The following ADD3 variants were observed in gnomAD, a reference collection of about 807,000 sequenced individuals.
The protein encoded by ADD3 is adducin 3.
Under a neutral mutation model 80.2 loss-of-function variants are expected in ADD3, and 25 were observed. The ratio of observed to expected loss-of-function variants is 0.31; its 90% CI spans 0.23 to 0.44. The LOEUF (loss-of-function observed/expected upper bound fraction) is 0.44. ADD3 is among the 20% of genes least tolerant of loss of function. The pLI is 1.00. For missense variants in ADD3, 829 were observed against 847.5 expected (o/e 0.98, Z 0.27); for synonymous variants, 284 against 289.6 (o/e 0.98, Z 0.20).
At chr10:110,035,459 A>C in intron 1 of ADD3, among the ~76,000 whole-genome samples, 1 of 152,250 alleles carries the variant, frequency 6.6e-6, no homozygotes, top group Non-Finnish European at 1.5e-5. Context: ...TGACTCCATC[A>C]GGAAGCGAAG....
chr10:110,073,421 C>T (rs914249875), intron 1 of ADD3, among the ~76,000 whole-genome samples: 2 of 152,126 alleles, frequency 1.3e-5, no homozygotes, highest in Non-Finnish European at 2.9e-5. Flanking sequence ...GGATTACAGG[C>T]GTGAGCCACC....
chr10:110,132,408 A>T lies in ADD3; in HGVS notation c.1828+8A>T. 1 of 1,585,656 alleles carries T rather than the reference A, an allele frequency of 6.3e-7. No homozygotes were observed. The highest frequency in any genetic ancestry group is 8.7e-7 in the Non-Finnish European group (1 of 1,154,438). The stretch of plus-strand genomic sequence containing the variant: ...TCCCTGAAAAATTAGAAGGTACTCA[A>T]TGTAATTTCCCACATAGCATTCACT... On this transcript the variant is annotated splice_region_variant and intron_variant, in intron 14 of 14. Transcript: ENST00000356080.
intron 1 of ADD3, chr10:110,075,554 T>A (rs1323391705): frequency 6.6e-6 from 1 of 152,214 alleles, no homozygotes; most frequent in Non-Finnish European, 1.5e-5. Flanking sequence ...TGGGCAGTTG[T>A]GGATGGAATT....
intron 14 of ADD3, among the ~76,000 whole-genome samples, chr10:110,133,011 A>G (rs1590276888): frequency 6.6e-6 from 1 of 152,108 alleles, no homozygotes; most frequent in Non-Finnish European, 1.5e-5. Flanking sequence ...TGATTGCCAA[A>G]TGATCCCAAA....
intron 1 of ADD3, among the ~76,000 whole-genome samples, chr10:110,094,741 T>C (rs184368723): frequency 6.6e-6 from 1 of 152,208 alleles, no homozygotes; most frequent in African/African-American, 2.4e-5. Flanking sequence ...CTTGTCATAG[T>C]TTGTGTAGGG....
At chr10:110,131,183 A>G (rs559784660) in intron 13 of ADD3, among the ~76,000 whole-genome samples, 64 of 152,330 alleles carry the variant, frequency 4.2e-4, no homozygotes, top group African/African-American at 1.5e-3. Flanking sequence ...ACACTCTAGT[A>G]GGTTGAGTTT....
At chr10:110,039,660 C>T (rs775076613) in intron 1 of ADD3, among the ~76,000 whole-genome samples, 1 of 152,210 alleles carries the variant, frequency 6.6e-6, no homozygotes, top group Admixed American at 6.5e-5. Flanking sequence ...AGACAACAAA[C>T]ATTATCTCAC....
At chr10:110,042,362 C>CA (rs1856465047) in intron 1 of ADD3, among the ~76,000 whole-genome samples, 1 of 152,078 alleles carries the variant, frequency 6.6e-6, no homozygotes, top group African/African-American at 2.4e-5. Flanking sequence ...CAGGAGGTGA[C>CA]AAAGAGTCCA....
chr10:109,997,915 C>G (rs1480659972), intron 1 of ADD3, among the ~76,000 whole-genome samples: 2 of 152,092 alleles, frequency 1.3e-5, no homozygotes, highest in Non-Finnish European at 2.9e-5. Flanking sequence ...GATCTAAATC[C>G]GGGCGGTTTT....
chr10:110,027,424 A>G (rs7921942), intron 1 of ADD3, among the ~76,000 whole-genome samples: 12,498 of 152,256 alleles, frequency 0.082, 1,651 homozygotes, highest in African/African-American at 0.28. Flanking sequence ...AAAATGTTGT[A>G]GAAGCCACAT....
At chr10:110,065,022 C>T (rs1462742981) in intron 1 of ADD3, among the ~76,000 whole-genome samples, 2 of 151,762 alleles carry the variant, frequency 1.3e-5, no homozygotes, top group Admixed American at 6.6e-5. Flanking sequence ...CTTGTCTAGG[C>T]GACAGAGCGA....
intron 1 of ADD3, among the ~76,000 whole-genome samples, chr10:110,017,831 C>A (rs1853178508): frequency 6.6e-6 from 1 of 152,090 alleles, no homozygotes; most frequent in South Asian, 2.1e-4. Flanking sequence ...ATATTTAATA[C>A]CTGACTACTA....
intron 3 of ADD3, among the ~76,000 whole-genome samples, chr10:110,114,971 CAGG>C (rs1226974797): frequency 2.0e-5 from 3 of 151,342 alleles, no homozygotes; most frequent in African/African-American, 7.3e-5. Flanking sequence ...CCTAGCTACT[CAGG>C]AGGCTGAGGT....
At chr10:110,072,301 G>A (rs1448614953) in intron 1 of ADD3, among the ~76,000 whole-genome samples, 2 of 152,096 alleles carry the variant, frequency 1.3e-5, no homozygotes, top group Non-Finnish European at 2.9e-5. Flanking sequence ...TCCTGATCTC[G>A]TGATCCCCCA....
chr10:110,048,019 C>T (rs1360683463), intron 1 of ADD3, among the ~76,000 whole-genome samples: 1 of 152,106 alleles, frequency 6.6e-6, no homozygotes, highest in African/African-American at 2.4e-5. Flanking sequence ...AATTGTGGCT[C>T]CCATAATTCC....
At chr10:110,069,803 C>G (rs1006204658) in intron 1 of ADD3, among the ~76,000 whole-genome samples, 2 of 152,134 alleles carry the variant, frequency 1.3e-5, no homozygotes, top group African/African-American at 4.8e-5. Flanking sequence ...AGTGTAAGAA[C>G]AAGCATTGTT....
upstream of ADD3, among the ~76,000 whole-genome samples, chr10:110,003,767 C>A (rs878974196): frequency 6.6e-6 from 1 of 152,002 alleles, no homozygotes; most frequent in African/African-American, 2.4e-5. Flanking sequence ...TTTGTGGCTA[C>A]AATTTAATTG....
intron 1 of ADD3, among the ~76,000 whole-genome samples, chr10:110,019,633 C>CGT (rs1853429202): frequency 6.6e-6 from 1 of 152,188 alleles, no homozygotes; most frequent in Non-Finnish European, 1.5e-5. Context: ...GGATTACAGG[C>CGT]GTGAGCCACT....
intron 1 of ADD3, among the ~76,000 whole-genome samples, chr10:110,023,900 G>A (rs1198209898): frequency 6.6e-6 from 1 of 152,116 alleles, no homozygotes; most frequent in African/African-American, 2.4e-5. Flanking sequence ...ATTATCCCAA[G>A]CAAATTAACA....
Sources: allele counts gnomAD v4.1 joint callset (sites outside exome capture counted in the v4.1 genomes callset), GRCh38; gene constraint gnomAD v4.1.1; transcripts MANE v1.5; gene names NCBI Gene and HGNC (gene_info 2026-07-23, HGNC 2026-07-21).